Variants in ANKRD31 observed in about 807,000 individuals in gnomAD.
The protein encoded by ANKRD31 is ankyrin repeat domain-containing protein 31.
ANKRD31 carries 147 observed loss-of-function variants against 186.0 expected under a neutral mutation model. The ratio of observed to expected loss-of-function variants is 0.79; its 90% CI spans 0.69 to 0.91. The LOEUF (loss-of-function observed/expected upper bound fraction) is 0.91, where lower values mean the gene tolerates loss of function less well. ANKRD31 is among the 40% of genes least tolerant of loss of function. ANKRD31 has a pLI of 0.00. For missense variants in ANKRD31, 1,986 were observed against 2,148.8 expected, an observed-to-expected ratio of 0.92 and a Z score of 1.50; for synonymous variants, 673 against 736.4, an observed-to-expected ratio of 0.91 and a Z score of 1.39.
chr5:75,181,431 C>T (rs1754283862), intron 10 of ANKRD31, among the ~76,000 whole-genome samples: 1 of 152,086 alleles, frequency 6.6e-6, no homozygotes. Context: ...AAGACACATG[C>T]ACACGTACGT....
chr5:75,165,540 AT>A (rs1217147704), intron 11 of ANKRD31, among the ~76,000 whole-genome samples: 3 of 152,176 alleles, frequency 2.0e-5, no homozygotes, highest in South Asian at 4.2e-4. Flanking sequence ...TAAACTCATG[AT>A]TTTTTTTCCT....
intron 17 of ANKRD31, among the ~76,000 whole-genome samples, chr5:75,126,188 T>C (rs1749241270): frequency 6.6e-6 from 1 of 152,192 alleles, no homozygotes; most frequent in Non-Finnish European, 1.5e-5. Context: ...TCACCTGTAA[T>C]CCCAGCACTT....
At position 75,236,594 on chromosome 5, in the gene ANKRD31, C is replaced by A. The variant is rs149880404; in HGVS notation, c.93G>T (p.Leu31=). ...VTESDLEEKE[L]PWRRLLFDQD... ...CTAATGATGGTCACCTTCTCCAGGG[C>A]AGCTCCTTTTCTTCCAGGTCGCTCT... is the stretch of plus-strand genomic sequence containing the variant. Residue 31 remains leucine, a synonymous_variant, in exon 1 of 26, where the codon CTG becomes CTT. Transcript: ENST00000506364. The A allele has an allele frequency of 7.1e-4, 1,096 of 1,537,130 alleles. 7 individuals are homozygous for A. The African/African-American group carries it at 0.013, about 19-fold the overall frequency.
chr5:75,219,605 C>T (rs1311175851), intron 3 of ANKRD31, among the ~76,000 whole-genome samples: 1 of 150,410 alleles, frequency 6.6e-6, no homozygotes, highest in Non-Finnish European at 1.5e-5. Flanking sequence ...TTTACAGATA[C>T]AATGCTATGA....
chr5:75,227,230 T>C lies in ANKRD31; in HGVS notation c.178+3332A>G, dbSNP rs374534635. On this transcript the variant is annotated intron_variant, in intron 2 of 25. Transcript: ENST00000506364. The stretch of plus-strand genomic sequence containing the variant: ...TTTGTGGGAGCCAAAATCACAACAA[T>C]TGAACTCATGGAGATAAGGAGTAGA... Among the ~76,000 whole-genome samples the C allele has an allele frequency of 2.4e-4, 36 of 152,170 alleles. No homozygotes were observed. The East Asian group carries it at 3.1e-3, about 13-fold the overall frequency.
chr5:75,206,028 T>C (rs1446468616), intron 5 of ANKRD31, among the ~76,000 whole-genome samples: 3 of 151,400 alleles, frequency 2.0e-5, no homozygotes, highest in Non-Finnish European at 2.9e-5. Flanking sequence ...GCTACTCCCA[T>C]AGGTAATTCT....
Position 75,127,969 on chromosome 5 carries a change from C to T in ANKRD31, c.3877-9672G>A, listed in dbSNP as rs139810791. On this transcript the variant is annotated intron_variant, in intron 17 of 25. Transcript: ENST00000506364. The stretch of plus-strand genomic sequence containing the variant: ...TGTTATAGAGAAATACAGTTGAGTC[C>T]GTGTTAGATTCACTTATTAATTCTA... Among the ~76,000 whole-genome samples, 17 of 152,090 alleles carry T rather than the reference C, an allele frequency of 1.1e-4. No homozygotes were observed. The East Asian group carries it at 2.1e-3, about 19-fold the overall frequency.
intron 11 of ANKRD31, among the ~76,000 whole-genome samples, chr5:75,157,184 A>G (rs1752240044): frequency 1.3e-5 from 2 of 152,182 alleles, no homozygotes; most frequent in Non-Finnish European, 2.9e-5. Context: ...TGAAAAAATG[A>G]GCATTAAAGG....
At chr5:75,178,587 A>G (rs922641082) in intron 10 of ANKRD31, among the ~76,000 whole-genome samples, 53 of 152,162 alleles carry the variant, frequency 3.5e-4, no homozygotes, top group Non-Finnish European at 6.0e-4. Flanking sequence ...AACTCACTCA[A>G]AACTGCTCGA....
intron 2 of ANKRD31, among the ~76,000 whole-genome samples, chr5:75,226,909 C>CA (rs1272444725): frequency 6.6e-6 from 1 of 152,122 alleles, no homozygotes; most frequent in Admixed American, 6.5e-5. Context: ...CCAGCAATCC[C>CA]ACTCCTAGGT....
At position 75,222,238 on chromosome 5, in the gene ANKRD31, A is replaced by G. The variant is rs1477148550; in HGVS notation, c.288+11T>C. Reference sequence around the variant, plus strand: ...TTTAATGAGTATGTATTCAATCAACATGCTACACACCTGTAATATTGTATC... The same window carrying G: ...TTTAATGAGTATGTATTCAATCAACGTGCTACACACCTGTAATATTGTATC... On this transcript the variant is annotated intron_variant, in intron 3 of 25. Transcript: ENST00000506364. 1.3e-6 allele frequency: 2 copies of G among 1,516,662 alleles called. No individual in the cohort carries two copies. The highest frequency in any genetic ancestry group is 1.8e-6 in the Non-Finnish European group (2 of 1,131,348). 94.0% of individuals were successfully genotyped at this position (1,516,662 alleles called of 1,614,324 possible).
At position 75,138,843 on chromosome 5, in the gene ANKRD31, A is replaced by C. The variant is rs1310696519; in HGVS notation, c.3733+3T>G. The C allele has an allele frequency of 2.6e-6, 4 of 1,535,608 alleles. No homozygotes were observed. The African/African-American group carries it at 5.5e-5, about 21-fold the overall frequency. ...AAGGTAATTAAATTAAAAGGATCCAAACCTGCATTATCATTTAGATTCACA... is the reference window on the plus strand; with the variant it reads ...AAGGTAATTAAATTAAAAGGATCCACACCTGCATTATCATTTAGATTCACA... On this transcript the variant is annotated splice_donor_region_variant and intron_variant, in intron 16 of 25. Coordinates refer to ENST00000506364, the MANE Select transcript of ANKRD31 (RefSeq NM_001372053.1).
chr5:75,159,596 A>G (rs1399287709), intron 11 of ANKRD31, among the ~76,000 whole-genome samples: 1 of 151,842 alleles, frequency 6.6e-6, no homozygotes, highest in African/African-American at 2.4e-5. Context: ...TGCTGAAAGG[A>G]AAAAAAACTG....
chr5:75,172,788 A>C (rs1753446510), intron 10 of ANKRD31, among the ~76,000 whole-genome samples: 1 of 152,228 alleles, frequency 6.6e-6, no homozygotes, highest in Non-Finnish European at 1.5e-5. Flanking sequence ...ACAGATTCAC[A>C]GCCGAATTCT....
chr5:75,133,562 A>T (rs1750064816), intron 17 of ANKRD31, among the ~76,000 whole-genome samples: 1 of 152,206 alleles, frequency 6.6e-6, no homozygotes, highest in Admixed American at 6.5e-5. Context: ...ACACAATAAT[A>T]ATGGCAGACT....
At chr5:75,223,693 T>A (rs1757438627) in intron 2 of ANKRD31, among the ~76,000 whole-genome samples, 1 of 152,182 alleles carries the variant, frequency 6.6e-6, no homozygotes, top group Non-Finnish European at 1.5e-5. Flanking sequence ...CGACTGAATG[T>A]CTGTGCACAC....
At chr5:75,087,084 T>G (rs976448608) in intron 23 of ANKRD31, among the ~76,000 whole-genome samples, 8 of 152,336 alleles carry the variant, frequency 5.3e-5, no homozygotes, top group African/African-American at 1.9e-4. Context: ...TGTAATAATA[T>G]GCATCAAAAA....
intron 10 of ANKRD31, among the ~76,000 whole-genome samples, chr5:75,172,765 A>T (rs1753444697): frequency 6.6e-6 from 1 of 152,240 alleles, no homozygotes; most frequent in African/African-American, 2.4e-5. Flanking sequence ...AACCAAAAAA[A>T]GTCCAGGACC....
rs746941201 is a variant in ANKRD31, at chr5:75,091,255, A to C, written c.5472+6T>G. 5 of 1,525,960 alleles carry C rather than the reference A, an allele frequency of 3.3e-6. No homozygotes were observed. The highest frequency in any genetic ancestry group is 4.4e-6 in the Non-Finnish European group (5 of 1,143,734). 94.5% of individuals were successfully genotyped at this position (1,525,960 alleles called of 1,614,324 possible). On this transcript the variant is annotated splice_donor_region_variant and intron_variant, in intron 23 of 25. Transcript: ENST00000506364. ...GAAGTTAAAGATAAACTTAAGAATGACCCACCTTACTCCAAGCATAATTCC... is the reference window on the plus strand; with the variant it reads ...GAAGTTAAAGATAAACTTAAGAATGCCCCACCTTACTCCAAGCATAATTCC...
Sources: allele counts gnomAD v4.1 joint callset (sites outside exome capture counted in the v4.1 genomes callset), GRCh38; gene constraint gnomAD v4.1.1; transcripts MANE v1.5; gene names NCBI Gene and HGNC (gene_info 2026-07-23, HGNC 2026-07-21).